SLIT2: variants seen among roughly 807,000 people sequenced by gnomAD.
SLIT2 encodes the protein slit homolog 2 protein.
SLIT2 carries 41 observed loss-of-function variants against 185.7 expected under a neutral mutation model. The observed-to-expected ratio is 0.22, with a 90% CI of 0.17 to 0.29. SLIT2 has a LOEUF of 0.29. SLIT2 is among the 10% of genes least tolerant of loss of function. SLIT2 has a pLI of 1.00. For synonymous variants in SLIT2, 693 were observed against 680.2 expected, an observed-to-expected ratio of 1.02 and a Z score of -0.29; for missense variants, 1,571 against 1,909.0, an observed-to-expected ratio of 0.82 and a Z score of 3.30.
At chr4:20,477,302 A>T (rs1282788402) in intron 5 of SLIT2, among the ~76,000 whole-genome samples, 1 of 151,916 alleles carries the variant, frequency 6.6e-6, no homozygotes, top group African/African-American at 2.4e-5. Flanking sequence ...CCTGGGTTCA[A>T]GCAATTATCC....
At chr4:20,382,787 G>A (rs1724634104) in intron 4 of SLIT2, among the ~76,000 whole-genome samples, 1 of 152,050 alleles carries the variant, frequency 6.6e-6, no homozygotes, top group Non-Finnish European at 1.5e-5. Flanking sequence ...TGTGGAAATT[G>A]ACAAACTAAG....
At chr4:20,477,736 A>C (rs923377212) in intron 5 of SLIT2, among the ~76,000 whole-genome samples, 1 of 152,190 alleles carries the variant, frequency 6.6e-6, no homozygotes, top group African/African-American at 2.4e-5. Flanking sequence ...TTAGCATCCA[A>C]CTGTCTTTAA....
chr4:20,328,044 G>T (rs2109189670), intron 4 of SLIT2, among the ~76,000 whole-genome samples: 1 of 152,096 alleles, frequency 6.6e-6, no homozygotes, highest in African/African-American at 2.4e-5. Flanking sequence ...GAATGCAGTG[G>T]CCATCAAAGT....
rs764588504 is a variant in SLIT2 at position 20,567,248 on chromosome 4, G to C, written c.2726-14G>C. 1 of 1,593,148 alleles carries C rather than the reference G, an allele frequency of 6.3e-7. No homozygotes were observed. Among genetic ancestry groups the C allele is most frequent in the East Asian group, 2.2e-5 (1 of 44,610 alleles). On this transcript the variant is annotated splice_polypyrimidine_tract_variant and intron_variant, in intron 26 of 36. Transcript: ENST00000504154. ...AAGAGCGTCAGTTGCTTATATTTTTGAATTAATTTTCAGGTCCTGTGGATG... is the reference window on the plus strand; with the variant it reads ...AAGAGCGTCAGTTGCTTATATTTTTCAATTAATTTTCAGGTCCTGTGGATG...
At chr4:20,580,966 G>T (rs1726511638) in intron 29 of SLIT2, among the ~76,000 whole-genome samples, 2 of 152,100 alleles carry the variant, frequency 1.3e-5, no homozygotes, top group African/African-American at 2.4e-5. Flanking sequence ...AAAAGAAAAA[G>T]AAAAAGGAAG....
chr4:20,403,740 A>C (rs1416115842), intron 4 of SLIT2, among the ~76,000 whole-genome samples: 2 of 151,936 alleles, frequency 1.3e-5, no homozygotes, highest in Admixed American at 6.6e-5. Flanking sequence ...CGTTAGCAAA[A>C]CATTTGATTC....
intron 4 of SLIT2, among the ~76,000 whole-genome samples, chr4:20,467,521 T>G (rs1225374446): frequency 6.6e-6 from 1 of 152,002 alleles, no homozygotes; most frequent in Non-Finnish European, 1.5e-5. Flanking sequence ...TCTCATGAAA[T>G]TAAAGATCTA....
chr4:20,353,040 A>G (rs564496048), intron 4 of SLIT2, among the ~76,000 whole-genome samples: 1 of 152,350 alleles, frequency 6.6e-6, no homozygotes, highest in East Asian at 1.9e-4. Context: ...ATGCAGCAGT[A>G]TAACGGAGAA....
intron 2 of SLIT2, 83 bp downstream of exon 2, chr4:20,256,826 T>C: frequency 1.6e-6 from 1 of 644,054 alleles, no homozygotes; most frequent in East Asian, 2.8e-5. Flanking sequence ...TTATGACTAT[T>C]CTGATGACAG....
At chr4:20,332,023 A>G (rs969857745) in intron 4 of SLIT2, among the ~76,000 whole-genome samples, 1 of 152,194 alleles carries the variant, frequency 6.6e-6, no homozygotes, top group African/African-American at 2.4e-5. Flanking sequence ...TCCATTCACC[A>G]GTTAATGATC....
chr4:20,270,562 G>GA (rs1713495903), intron 4 of SLIT2, among the ~76,000 whole-genome samples: 1 of 151,988 alleles, frequency 6.6e-6, no homozygotes, highest in African/African-American at 2.4e-5. Flanking sequence ...ATGCGTGTTG[G>GA]AAAATGGGGA....
At chr4:20,569,829 A>T (rs1161239072) in intron 29 of SLIT2, among the ~76,000 whole-genome samples, 11 of 152,096 alleles carry the variant, frequency 7.2e-5, no homozygotes, top group Admixed American at 7.2e-4. Context: ...TTCTGGGTGC[A>T]TTTCATTTAC....
chr4:20,563,815 G>C (rs2148908732), intron 26 of SLIT2, among the ~76,000 whole-genome samples: 1 of 151,854 alleles, frequency 6.6e-6, no homozygotes, highest in African/African-American at 2.4e-5. Context: ...AAGAGTGTCA[G>C]TACTTGCCGT....
At chr4:20,329,792 T>G (rs529544436) in intron 4 of SLIT2, among the ~76,000 whole-genome samples, 1 of 152,114 alleles carries the variant, frequency 6.6e-6, no homozygotes, top group East Asian at 1.9e-4. Context: ...GTTCTAATAA[T>G]TTGCTGAGGA....
At chr4:20,388,483 C>T (rs1184620275) in intron 4 of SLIT2, among the ~76,000 whole-genome samples, 3 of 151,782 alleles carry the variant, frequency 2.0e-5, no homozygotes, top group South Asian at 2.1e-4. Flanking sequence ...AAAAATATTA[C>T]GGAGATACGG....
chr4:20,616,704 T>A, intron 34 of SLIT2: 1 of 467,320 alleles, frequency 2.1e-6, no homozygotes, highest in Non-Finnish European at 3.8e-6. Context: ...AGTTGTGGAT[T>A]AGAATTTCCT....
chr4:20,510,477 A>T lies in SLIT2; in HGVS notation c.915-18A>T. 6.3e-7 allele frequency: 1 copy of T among 1,578,200 alleles called. No individual in the cohort carries two copies. The highest frequency in any genetic ancestry group is 8.7e-7 in the Non-Finnish European group (1 of 1,148,262). On this transcript the variant is annotated intron_variant, in intron 9 of 36. Transcript: ENST00000504154. Reference sequence around the variant, plus strand: ...GGTTCACATTTCCATTTAAAAGTTGAATTTTTTTTCATTGCAGACGTTTGG... The same window carrying T: ...GGTTCACATTTCCATTTAAAAGTTGTATTTTTTTTCATTGCAGACGTTTGG...
intron 4 of SLIT2, among the ~76,000 whole-genome samples, chr4:20,332,183 T>C (rs1720116311): frequency 6.6e-6 from 1 of 152,140 alleles, no homozygotes; most frequent in Non-Finnish European, 1.5e-5. Flanking sequence ...ATGTCATATA[T>C]ATGTGTGTTT....
chr4:20,474,826 A>G (rs1376961383), intron 5 of SLIT2, among the ~76,000 whole-genome samples: 1 of 152,012 alleles, frequency 6.6e-6, no homozygotes. Context: ...ATCTATTACT[A>G]CAGGGTTTAA....
Sources: gnomAD v4.1 joint callset for allele counts (sites outside exome capture counted in the v4.1 genomes callset) on GRCh38, gnomAD v4.1.1 for gene constraint, MANE v1.5 for transcripts, NCBI Gene and HGNC (gene_info 2026-07-23, HGNC 2026-07-21) for gene names.